The following IRAK1 variants were observed in gnomAD, a reference collection of about 807,000 sequenced individuals.
IRAK1 encodes interleukin 1 receptor associated kinase 1, also known as interleukin-1 receptor-associated kinase 1.
Under a neutral mutation model 49.8 loss-of-function variants are expected in IRAK1, and 9 were observed. The observed-to-expected ratio is 0.18, with a 90% confidence interval of 0.11 to 0.32. IRAK1 has a LOEUF of 0.32. Among genes scored for constraint, IRAK1 ranks in the 10% least tolerant of loss-of-function variants. The pLI is 1.00. For missense variants in IRAK1, 418 were observed against 600.5 expected (o/e 0.70, Z 3.18); for synonymous variants, 282 against 270.8 (o/e 1.04, Z -0.41).
intron 10 of IRAK1, 92 bp downstream of exon 10, chrX:154,015,940 G>T: frequency 1.3e-6 from 1 of 742,598 alleles, no homozygotes; most frequent in Non-Finnish European, 2.1e-6. Context: ...GCATCCATGG[G>T]CACTGCGCCC....
At chrX:154,012,986 G>T (rs1557127915) in intron 12 of IRAK1, 57 bp downstream of exon 12, 1 of 1,172,474 alleles carries the variant, frequency 8.5e-7, no homozygotes, top group African/African-American at 1.8e-5. Flanking sequence ...GGACTTACAG[G>T]GGCTTTGGCC....
chrX:154,013,324 C>G lies in IRAK1; in HGVS notation c.1649G>C (p.Ser550Thr). 5 of 1,208,123 alleles carry G rather than the reference C, an allele frequency of 4.1e-6. No individual in the cohort carries two copies. Among genetic ancestry groups the G allele is most frequent in the Non-Finnish European group, 5.6e-6 (5 of 894,440 alleles). Residue 550 changes from serine to threonine, a missense_variant, in exon 12 of 14, where the codon AGC (serine) becomes ACC (threonine). This residue lies in a region of IRAK1 where 377 missense variants were observed against 499.5 expected (regional missense o/e 0.75). Transcript: ENST00000369980. ...AGCCCCACTGTGGGCTCTGCCAGTG[C>G]TGGACACGTAGGAGTTCTCCTGCGG... ...PSPQENSYVS[S>T]TGRAHSGAAP...
chrX:154,017,277 G>A (rs782319622), intron 7 of IRAK1, among the ~76,000 whole-genome samples: 1 of 112,335 alleles, frequency 8.9e-6, no homozygotes, highest in African/African-American at 3.2e-5. Flanking sequence ...GCTGGGCTTC[G>A]GCTCCCAGGG....
Position 154,013,228 on chromosome X carries a change from G to A in IRAK1, c.1745C>T (p.Pro582Leu). The A allele has an allele frequency of 8.3e-7, 1 of 1,210,220 alleles. No homozygotes were observed. Reference protein sequence around the residue: ...AQAAEQLQRGPNQPVESDESL... With the variant: ...AQAAEQLQRGLNQPVESDESL... ...CTCGTCACTCTCCACGGGCTGGTTG[G>A]GGCCTCTCTGCAGCTGCTCTGCTGC... is the stretch of plus-strand genomic sequence containing the variant. Residue 582 changes from proline to leucine, a missense_variant, in exon 12 of 14, where the codon CCC (proline) becomes CTC (leucine). Coordinates refer to ENST00000369980, the MANE Select transcript of IRAK1 (RefSeq NM_001569.4).
chrX:154,018,510 T>G (rs2065756040), intron 5 of IRAK1, 89 bp downstream of exon 5: 3 of 901,785 alleles, frequency 3.3e-6, no homozygotes, highest in African/African-American at 2.0e-5. Context: ...GCTGAAGGAG[T>G]TGTGTGGGGA....
rs1336647642 is a variant in IRAK1, at chrX:154,014,093, C to T, written c.1488G>A (p.Leu496=). ...CCCGGCGGTGCAGGCAGCAGCAGGC[C>T]AGCTGGCCCAGGCCCAGGCCCAGCT... The part of the protein sequence containing the change: ...PPELGLGLGQ[L]ACCCLHRRAK... The change falls in exon 11 of 14, where the codon CTG becomes CTA. Residue 496 remains leucine (L), a synonymous_variant. Transcript: ENST00000369980. The T allele has an allele frequency of 4.4e-5, 52 of 1,191,213 alleles. No homozygotes were observed. Among genetic ancestry groups the T allele is most frequent in the Non-Finnish European group, 5.6e-5 (50 of 889,792 alleles).
At position 154,011,488 on chromosome X, in the gene IRAK1, G is replaced by A. The variant is rs782428563; in HGVS notation, c.*371C>T. On this transcript the variant is annotated 3_prime_UTR_variant, in exon 14 of 14. Coordinates refer to ENST00000369980, the MANE Select transcript of IRAK1 (RefSeq NM_001569.4). ...CCAAAGAGATGGGCAAAGAGCTGCT[G>A]CCAGAGGCCTGGGCTGCAGACGCCC... The A allele has an allele frequency of 6.6e-6, 2 of 303,399 alleles. No individual in the cohort carries two copies. The highest frequency in any genetic ancestry group is 1.2e-5 in the Non-Finnish European group (2 of 167,084). 25.0% of individuals were successfully genotyped at this position (303,399 alleles called of 1,213,427 possible).
In IRAK1 at chrX:154,013,360, A is replaced by G. The variant is rs1347085149; in HGVS notation, c.1613T>C (p.Ile538Thr). 5 of 1,203,204 alleles carry G rather than the reference A, an allele frequency of 4.2e-6. No homozygotes were observed. The highest frequency in any genetic ancestry group is 5.6e-6 in the Non-Finnish European group (5 of 891,983). ...VPGHSEAASC[I>T]PPSPQENSYV... ...GGAGTTCTCCTGCGGGGAAGGGGGG[A>G]TGCAGCTGGCGGCCTCCGAATGCCC... Residue 538 changes from isoleucine (I) to threonine (T), a missense_variant, in exon 12 of 14, where the codon ATC becomes ACC. This residue lies in a region of IRAK1 where 377 missense variants were observed against 499.5 expected (regional missense o/e 0.75). Coordinates refer to ENST00000369980, the MANE Select transcript of IRAK1 (RefSeq NM_001569.4).
At position 154,016,237 on chromosome X, in the gene IRAK1, G is replaced by A. The variant is rs782170258; in HGVS notation, c.1237-140C>T. ...GGGACTGAAGCTCGGGCAACTCGGAGAGCCCACTTGAAGACAAATTACAAA... is the reference window on the plus strand; with the variant it reads ...GGGACTGAAGCTCGGGCAACTCGGAAAGCCCACTTGAAGACAAATTACAAA... On this transcript the variant is annotated intron_variant, in intron 9 of 13. Coordinates refer to ENST00000369980, the MANE Select transcript of IRAK1 (RefSeq NM_001569.4). 6.1e-4 allele frequency: 372 copies of A among 605,754 alleles called. 1 individual carries two copies. Among genetic ancestry groups the A allele is most frequent in the Non-Finnish European group, 9.3e-4 (343 of 367,024 alleles). 49.9% of individuals were successfully genotyped at this position (605,754 alleles called of 1,213,427 possible).
At position 154,011,848 on chromosome X, in the gene IRAK1, A is replaced by G; in HGVS notation, c.*11T>C. ...ACTTCCGGATTTGGGGGATCTGCCC[A>G]GGTGAACACATCAGCTCTGAAATTC... is the stretch of plus-strand genomic sequence containing the variant. On this transcript the variant is annotated 3_prime_UTR_variant, in exon 14 of 14. Transcript: ENST00000369980. The G allele has an allele frequency of 8.3e-7, 1 of 1,207,551 alleles. No individual in the cohort carries two copies. Among genetic ancestry groups the G allele is most frequent in the Non-Finnish European group, 1.1e-6 (1 of 891,257 alleles).
At position 154,014,029 on chromosome X, in the gene IRAK1, C is replaced by G. The variant is rs782052791; in HGVS notation, c.1539+13G>C. The G allele has an allele frequency of 5.9e-6, 7 of 1,195,807 alleles. No homozygotes were observed. In the Admixed American group the frequency reaches 1.6e-4, roughly 28 times the overall value. On this transcript the variant is annotated intron_variant, in intron 11 of 13. Transcript: ENST00000369980. ...TCTATCTGGCCACCCCGTCCCAGTG[C>G]GCAGCTGGCTACCTGGGTCATAGGA... is the stretch of plus-strand genomic sequence containing the variant.
Position 154,014,132 on chromosome X carries a change from C to T in IRAK1, c.1449G>A (p.Gly483=), listed in dbSNP as rs2065722258. ...CCAGGCCCAGCTCAGGTGGGCAGGG[C>T]CCGGGCCTGGGGTCCAGGTGCTTCT... ...IYKKHLDPRP[G]PCPPELGLGL... Residue 483 remains glycine (G), a synonymous_variant, in exon 11 of 14, where the codon GGG becomes GGA. Transcript: ENST00000369980. The T allele has an allele frequency of 8.3e-7, 1 of 1,206,112 alleles. No homozygotes were observed. The highest frequency in any genetic ancestry group is 2.2e-5 in the Admixed American group (1 of 45,548).
In IRAK1 at chrX:154,018,283, G is replaced by T; in HGVS notation, c.794+8C>A. On this transcript the variant is annotated splice_region_variant and intron_variant, in intron 6 of 13. Transcript: ENST00000369980. Reference sequence around the variant, plus strand: ...CGGGACCTGGTGTGGCTCCCCCTCTGGCCTCACCTGGACAGCTGCTCCACC... The same window carrying T: ...CGGGACCTGGTGTGGCTCCCCCTCTTGCCTCACCTGGACAGCTGCTCCACC... The T allele has an allele frequency of 8.7e-7, 1 of 1,151,662 alleles. No homozygotes were observed. The highest frequency in any genetic ancestry group is 1.2e-6 in the Non-Finnish European group (1 of 858,053). 94.9% of individuals were successfully genotyped at this position (1,151,662 alleles called of 1,213,427 possible).
chrX:154,013,005 C>T (rs782753645), intron 12 of IRAK1, 38 bp downstream of exon 12: 2 of 1,194,372 alleles, frequency 1.7e-6, no homozygotes, highest in African/African-American at 3.5e-5. Flanking sequence ...CCCAAAGAGG[C>T]CTTGGTCCCT....
At chrX:154,017,811 AAAAAAAAAAAAAAAAT>A (rs782374029) in intron 7 of IRAK1, among the ~76,000 whole-genome samples, 179 bp downstream of exon 7, 9 of 96,742 alleles carry the variant, frequency 9.3e-5, no homozygotes, top group East Asian at 6.1e-4. Context: ...AAAAAAAAAA[AAAAAAAAAAAAAAAAT>A]TGACCCCACC....
In IRAK1 at chrX:154,011,578, C is replaced by A. The variant is rs1027853408; in HGVS notation, c.*281G>T. Reference sequence around the variant, plus strand: ...CCTGCACAGCAGCCCCTCTCCTCCCCTCACGGGTCTGTGCAGCCAGCAGCC... The same window carrying A: ...CCTGCACAGCAGCCCCTCTCCTCCCATCACGGGTCTGTGCAGCCAGCAGCC... On this transcript the variant is annotated 3_prime_UTR_variant, in exon 14 of 14. Transcript: ENST00000369980. 1.9e-5 allele frequency: 8 copies of A among 417,194 alleles called. No individual in the cohort carries two copies. The highest frequency in any genetic ancestry group is 3.4e-5 in the Non-Finnish European group (8 of 232,060). The allele number at this position is 417,194 out of a possible 1,213,427, so 34.4% of individuals were successfully genotyped here. A position where few individuals can be genotyped will look rare whatever the true frequency, so the allele number is the denominator to read the frequency against.
chrX:154,014,061 C>G lies in IRAK1; in HGVS notation c.1520G>C (p.Arg507Thr). Reference sequence around the variant, plus strand: ...GGCTACCTGGGTCATAGGAGGCCTCCTTTTGGCCCGGCGGTGCAGGCAGCA... The same window carrying G: ...GGCTACCTGGGTCATAGGAGGCCTCGTTTTGGCCCGGCGGTGCAGGCAGCA... Reference protein sequence around the residue: ...ACCCLHRRAKRRPPMTQVYER... With the variant: ...ACCCLHRRAKTRPPMTQVYER... The change falls in exon 11 of 14, where the codon AGG (arginine) becomes ACG (threonine). Residue 507 changes from arginine (R) to threonine (T), a missense_variant. Around this residue, in one of 3 missense-constraint regions of IRAK1, gnomAD observed 377 missense variants for 499.5 expected, o/e 0.75. Transcript: ENST00000369980. The G allele has an allele frequency of 8.4e-7, 1 of 1,196,177 alleles. No individual in the cohort carries two copies.
rs3027907 is a variant in IRAK1, at chrX:154,013,994, A to G, written c.1539+48T>C. ...GGGTCACTACAGAGCAAGGCCTGGA[A>G]TGCGGGCTTTCTATCTGGCCACCCC... is the stretch of plus-strand genomic sequence containing the variant. On this transcript the variant is annotated intron_variant, in intron 11 of 13. Transcript: ENST00000369980. 12,566 of 1,178,432 alleles carry G rather than the reference A, an allele frequency of 0.011. 835 individuals are homozygous for G. In the African/African-American group the frequency reaches 0.2, roughly 19 times the overall value.
At position 154,016,937 on chromosome X, in the gene IRAK1, G is replaced by C. The variant is rs1425674565; in HGVS notation, c.1028+12C>G. On this transcript the variant is annotated intron_variant, in intron 8 of 13. Transcript: ENST00000369980. ...GGCCCTGCCCCGGCAGTTCTCAAGG[G>C]CCCCTCCTCACCTCTTGATGTCTCC... The C allele has an allele frequency of 8.8e-7, 1 of 1,140,296 alleles. No individual in the cohort carries two copies. The highest frequency in any genetic ancestry group is 1.2e-6 in the Non-Finnish European group (1 of 830,899). 94.0% of individuals were successfully genotyped at this position (1,140,296 alleles called of 1,213,427 possible).
Sources: gnomAD v4.1 joint callset for allele counts (sites outside exome capture counted in the v4.1 genomes callset) on GRCh38, gnomAD v4.1.1 for gene constraint, gnomAD v4.1.1 regional missense constraint, MANE v1.5 for transcripts, NCBI Gene and HGNC (gene_info 2026-07-23, HGNC 2026-07-21) for gene names.